The following PCDH9 variants were observed in gnomAD, a reference collection of about 807,000 sequenced individuals.
PCDH9 encodes the protein protocadherin-9.
PCDH9 carries 24 observed loss-of-function variants against 70.6 expected under a neutral mutation model. That is an observed-to-expected ratio of 0.34 (90% CI 0.25 to 0.48). The LOEUF is 0.48. PCDH9 is among the 20% of genes least tolerant of loss of function. The pLI, the probability that PCDH9 is intolerant of heterozygous loss-of-function variation, is 0.99. For missense variants in PCDH9, 1,281 were observed against 1,503.6 expected (o/e 0.85, Z 2.45); for synonymous variants, 562 against 558.5 (o/e 1.01, Z -0.09).
intron 3 of PCDH9, among the ~76,000 whole-genome samples, chr13:66,699,064 A>G (rs2078601890): frequency 6.6e-6 from 1 of 151,486 alleles, no homozygotes; most frequent in African/African-American, 2.4e-5. Context: ...ACAGGCACCC[A>G]CCATCATGTC....
intron 2 of PCDH9, among the ~76,000 whole-genome samples, chr13:67,181,783 A>C (rs540110438): frequency 6.6e-6 from 1 of 152,354 alleles, no homozygotes; most frequent in East Asian, 1.9e-4. Context: ...ACCACTACAA[A>C]ATAAGTTGTT....
chr13:66,539,479 T>C (rs1476098514), intron 4 of PCDH9, among the ~76,000 whole-genome samples: 1 of 152,104 alleles, frequency 6.6e-6, no homozygotes, highest in African/African-American at 2.4e-5. Context: ...TTGGATTTCT[T>C]GCTGCTGCCA....
intron 4 of PCDH9, among the ~76,000 whole-genome samples, chr13:66,615,779 C>A (rs1044009312): frequency 3.3e-5 from 5 of 152,178 alleles, no homozygotes; most frequent in African/African-American, 1.2e-4. Context: ...TCAAGGAAAC[C>A]TATTTTGAAC....
At chr13:66,703,584 G>A (rs1005640243) in intron 3 of PCDH9, among the ~76,000 whole-genome samples, 1 of 152,034 alleles carries the variant, frequency 6.6e-6, no homozygotes. Flanking sequence ...TTAATGGACA[G>A]ATAGATTAAT....
chr13:67,050,695 C>T (rs1322835435), intron 2 of PCDH9, among the ~76,000 whole-genome samples: 5 of 152,100 alleles, frequency 3.3e-5, no homozygotes, highest in Non-Finnish European at 2.9e-5. Context: ...CTCTGTCTAG[C>T]GTAAGATACA....
intron 2 of PCDH9, among the ~76,000 whole-genome samples, chr13:67,185,462 C>CATA: frequency 6.6e-6 from 1 of 152,090 alleles, no homozygotes; most frequent in East Asian, 1.9e-4. Context: ...GTGTAATATA[C>CATA]ATAATAGATT....
chr13:66,909,639 G>A (rs1190170249), intron 2 of PCDH9, among the ~76,000 whole-genome samples: 3 of 151,926 alleles, frequency 2.0e-5, no homozygotes, highest in Admixed American at 2.0e-4. Context: ...CGTGGTGGCG[G>A]GCGCCTGTAG....
At chr13:67,212,428 G>T (rs951078792) in intron 2 of PCDH9, 1 of 151,904 alleles carries the variant, frequency 6.6e-6, no homozygotes, top group African/African-American at 2.4e-5. Flanking sequence ...TTAAACCAAA[G>T]ACAATTTTTT....
At chr13:67,047,501 T>C (rs1387267510) in intron 2 of PCDH9, among the ~76,000 whole-genome samples, 7 of 152,186 alleles carry the variant, frequency 4.6e-5, no homozygotes, top group Admixed American at 2.6e-4. Context: ...CTTCTGTTCA[T>C]TGGCAATTGA....
chr13:67,041,742 A>G (rs898395700), intron 2 of PCDH9, among the ~76,000 whole-genome samples: 1 of 151,234 alleles, frequency 6.6e-6, no homozygotes, highest in African/African-American at 2.4e-5. Context: ...GAGGCAGGAG[A>G]ATGGTGTGAA....
At chr13:66,479,457 C>A (rs1226601264) in intron 4 of PCDH9, among the ~76,000 whole-genome samples, 2 of 152,284 alleles carry the variant, frequency 1.3e-5, no homozygotes, top group East Asian at 1.9e-4. Flanking sequence ...AATTTAAAAT[C>A]TTCTGGAAAG....
intron 2 of PCDH9, among the ~76,000 whole-genome samples, chr13:67,061,055 C>T (rs944485332): frequency 1.3e-5 from 2 of 151,948 alleles, no homozygotes; most frequent in African/African-American, 2.4e-5. Context: ...TTAATTACTG[C>T]TTTTGTACTC....
chr13:66,909,836 T>C (rs2082429431), intron 2 of PCDH9, among the ~76,000 whole-genome samples: 1 of 152,166 alleles, frequency 6.6e-6, no homozygotes, highest in Admixed American at 6.5e-5. Context: ...AATTTATCCA[T>C]TGCACAAACA....
intron 2 of PCDH9, chr13:67,214,935 G>GATACATAT (rs1555321190): frequency 1.1e-5 from 1 of 89,248 alleles, no homozygotes; most frequent in Non-Finnish European, 2.4e-5. Context: ...TTGCGAGCCA[G>GATACATAT]ATATATATAT....
intron 4 of PCDH9, among the ~76,000 whole-genome samples, chr13:66,374,880 A>C (rs1956721316): frequency 6.6e-6 from 1 of 152,124 alleles, no homozygotes; most frequent in Non-Finnish European, 1.5e-5. Flanking sequence ...GTTAGAGCTG[A>C]AGGAATAGTA....
intron 2 of PCDH9, among the ~76,000 whole-genome samples, chr13:67,099,314 T>C (rs2086385344): frequency 6.6e-6 from 1 of 152,218 alleles, no homozygotes; most frequent in Non-Finnish European, 1.5e-5. Flanking sequence ...ATTTGTCAAA[T>C]AATTAACGTG....
chr13:67,188,005 G>A lies in PCDH9; in HGVS notation c.3036+37400C>T, dbSNP rs1222023357. ...ACTGTAATCATTGTGACTATAGTTG[G>A]TACCGAACACTAGATCTCACTCCTC... On this transcript the variant is annotated intron_variant, in intron 2 of 4. Transcript: ENST00000377865. Among the ~76,000 whole-genome samples, 4 of 152,008 alleles carry A rather than the reference G, an allele frequency of 2.6e-5. No homozygotes were observed. The East Asian group carries it at 7.7e-4, about 29-fold the overall frequency.
chr13:66,606,758 T>G (rs1277831835), intron 4 of PCDH9, among the ~76,000 whole-genome samples: 2 of 152,150 alleles, frequency 1.3e-5, no homozygotes, highest in Admixed American at 1.3e-4. Context: ...ACTGGCATTT[T>G]TTTTTCAGGT....
chr13:66,304,829 G>C lies in PCDH9; in HGVS notation c.3540C>G (p.Thr1180=). The change falls in exon 5 of 5, where the codon ACC becomes ACG. Residue 1180 remains threonine, a synonymous_variant. Coordinates refer to ENST00000377865, the MANE Select transcript of PCDH9 (RefSeq NM_203487.3). ...KDKLVNGHTL[T]RAWKEDSNRN... ...TGTTGCTGTCTTCTTTCCAGGCTCT[G>C]GTCAGGGTGTGCCCATTCACAAGCT... 1 of 1,613,480 alleles carries C rather than the reference G, an allele frequency of 6.2e-7. No individual in the cohort carries two copies. The highest frequency in any genetic ancestry group is 8.5e-7 in the Non-Finnish European group (1 of 1,179,706).
Sources: gnomAD v4.1 joint callset for allele counts (sites outside exome capture counted in the v4.1 genomes callset) on GRCh38, gnomAD v4.1.1 for gene constraint, MANE v1.5 for transcripts, NCBI Gene and HGNC (gene_info 2026-07-23, HGNC 2026-07-21) for gene names.